The following EYS variants were observed in gnomAD, a reference collection of about 807,000 sequenced individuals.
EYS encodes the protein protein eyes shut homolog.
EYS carries 250 observed loss-of-function variants against 282.1 expected under a neutral mutation model. The observed-to-expected ratio is 0.89, with a 90% CI of 0.80 to 0.98. The LOEUF is 0.98. EYS is among the 50% of genes least tolerant of loss of function. The pLI is 0.00. For missense variants in EYS, 4,016 were observed against 3,709.0 expected (o/e 1.08, Z -2.15); for synonymous variants, 1,355 against 1,282.9 (o/e 1.06, Z -1.20).
chr6:64,280,309 T>C (rs747101083), intron 30 of EYS, among the ~76,000 whole-genome samples: 15 of 152,144 alleles, frequency 9.9e-5, no homozygotes, highest in Non-Finnish European at 1.8e-4. Context: ...ATGAAAAAGA[T>C]TGTGTGACTG....
chr6:65,238,625 T>C (rs1766984062), intron 12 of EYS, among the ~76,000 whole-genome samples: 1 of 152,020 alleles, frequency 6.6e-6, no homozygotes, highest in Non-Finnish European at 1.5e-5. Context: ...TGATCCACCA[T>C]AATGTTGTTA....
chr6:64,886,615 A>T (rs1223481844), intron 19 of EYS, 82 bp downstream of exon 19: 1 of 1,139,360 alleles, frequency 8.8e-7, no homozygotes, highest in Non-Finnish European at 1.2e-6. Flanking sequence ...AGATTATTTC[A>T]GGTTTTGGAG....
chr6:64,490,684 A>G (rs2150505593), intron 26 of EYS, among the ~76,000 whole-genome samples: 1 of 150,994 alleles, frequency 6.6e-6, no homozygotes, highest in Admixed American at 6.6e-5. Context: ...TGAAGTAACT[A>G]GACAGACGAA....
intron 31 of EYS, among the ~76,000 whole-genome samples, chr6:64,187,014 T>G (rs1764965644): frequency 6.6e-6 from 1 of 151,988 alleles, no homozygotes; most frequent in African/African-American, 2.4e-5. Flanking sequence ...AAATGCATAG[T>G]TTTTTTTCCC....
chr6:63,973,775 C>G (rs1766701937), intron 35 of EYS, among the ~76,000 whole-genome samples: 1 of 151,978 alleles, frequency 6.6e-6, no homozygotes, highest in African/African-American at 2.4e-5. Context: ...TAACCAATAC[C>G]CAGATTTATT....
At chr6:64,488,626 A>C (rs1167856816) in intron 26 of EYS, among the ~76,000 whole-genome samples, 1 of 151,082 alleles carries the variant, frequency 6.6e-6, no homozygotes. Context: ...CTTTAGAACA[A>C]AGAAGACTAA....
At chr6:63,913,575 A>G (rs1277476153) in intron 35 of EYS, among the ~76,000 whole-genome samples, 1 of 152,258 alleles carries the variant, frequency 6.6e-6, no homozygotes, top group Non-Finnish European at 1.5e-5. Flanking sequence ...AAAATGTCAT[A>G]TAAATTGTAT....
intron 5 of EYS, among the ~76,000 whole-genome samples, chr6:65,469,272 T>C (rs896630709): frequency 6.6e-6 from 1 of 152,024 alleles, no homozygotes; most frequent in Admixed American, 6.6e-5. Flanking sequence ...TTGGAAGAAG[T>C]ATGGTAACAA....
intron 2 of EYS, among the ~76,000 whole-genome samples, chr6:65,626,389 T>C (rs979049867): frequency 1.3e-5 from 2 of 152,174 alleles, no homozygotes; most frequent in Non-Finnish European, 2.9e-5. Context: ...GTTGTTGTTA[T>C]CTTCTATATG....
chr6:64,351,066 CTTT>C (rs34169788), intron 29 of EYS, among the ~76,000 whole-genome samples: 9 of 147,642 alleles, frequency 6.1e-5, no homozygotes, highest in African/African-American at 2.0e-4. Flanking sequence ...AATGAAACCT[CTTT>C]TTTTTTTTTT....
intron 5 of EYS, among the ~76,000 whole-genome samples, chr6:65,454,987 G>T (rs1764548220): frequency 6.6e-6 from 1 of 152,098 alleles, no homozygotes; most frequent in East Asian, 1.9e-4. Flanking sequence ...TGGCTATTTA[G>T]CGTCTTTTTG....
intron 2 of EYS, among the ~76,000 whole-genome samples, chr6:65,628,829 G>T (rs1015445830): frequency 2.6e-4 from 39 of 152,190 alleles, no homozygotes; most frequent in African/African-American, 8.7e-4. Flanking sequence ...CTTCATTCTT[G>T]AAGTCAGTGA....
At chr6:64,188,915 G>C (rs1051724326) in intron 31 of EYS, among the ~76,000 whole-genome samples, 1 of 152,036 alleles carries the variant, frequency 6.6e-6, no homozygotes. Flanking sequence ...TTTTACTGCT[G>C]ACCACTACTG....
intron 26 of EYS, among the ~76,000 whole-genome samples, chr6:64,588,417 T>C (rs986534181): frequency 6.6e-6 from 1 of 152,102 alleles, no homozygotes; most frequent in South Asian, 2.1e-4. Flanking sequence ...CTCCAGCTAC[T>C]GAACAGCTTT....
At chr6:64,351,329 T>A (rs1342986961) in intron 29 of EYS, among the ~76,000 whole-genome samples, 1 of 151,554 alleles carries the variant, frequency 6.6e-6, no homozygotes, top group Non-Finnish European at 1.5e-5. Flanking sequence ...ATGGAAAGAA[T>A]TATTCTGACA....
Position 64,912,469 on chromosome 6 carries a change from C to T in EYS, c.2641+15G>A, listed in dbSNP as rs1343897178. On this transcript the variant is annotated intron_variant, in intron 16 of 42. Coordinates refer to ENST00000503581, the MANE Select transcript of EYS (RefSeq NM_001142800.2). ...GTAATTATTTAAAAACAATAAAATCCATATTAGCTCTTACCTTCTCTACAA... is the reference window on the plus strand; with the variant it reads ...GTAATTATTTAAAAACAATAAAATCTATATTAGCTCTTACCTTCTCTACAA... The T allele has an allele frequency of 6.5e-7, 1 of 1,546,872 alleles. No homozygotes were observed. The highest frequency in any genetic ancestry group is 1.4e-5 in the African/African-American group (1 of 72,900).
chr6:63,857,412 G>A (rs985941596), intron 36 of EYS: 2 of 176,278 alleles, frequency 1.1e-5, no homozygotes, highest in African/African-American at 4.7e-5. Flanking sequence ...AATCAAGAGT[G>A]CACTAATACA....
chr6:65,478,669 A>G (rs981412093), intron 5 of EYS, among the ~76,000 whole-genome samples: 20 of 152,110 alleles, frequency 1.3e-4, no homozygotes, highest in Admixed American at 2.6e-4. Flanking sequence ...TTTATGCCTA[A>G]TTATACATAA....
chr6:64,662,380 T>G (rs1411330490), intron 22 of EYS, among the ~76,000 whole-genome samples: 1 of 152,116 alleles, frequency 6.6e-6, no homozygotes, highest in Non-Finnish European at 1.5e-5. Flanking sequence ...ACTTAAAGTA[T>G]AATAAAAAAA....
Sources: gnomAD v4.1 joint callset for allele counts (sites outside exome capture counted in the v4.1 genomes callset) on GRCh38, gnomAD v4.1.1 for gene constraint, MANE v1.5 for transcripts, NCBI Gene and HGNC (gene_info 2026-07-23, HGNC 2026-07-21) for gene names.